The following APC variants were observed in gnomAD, a reference collection of about 807,000 sequenced individuals.
The protein encoded by APC is APC regulator of Wnt signaling pathway, also known as adenomatous polyposis coli protein.
In APC, 72 loss-of-function variants were observed where a neutral mutation model predicts 247.0. The ratio of observed to expected loss-of-function variants is 0.29; its 90% CI spans 0.24 to 0.35. APC has a LOEUF of 0.35. APC is among the 10% of genes least tolerant of loss of function. APC has a pLI of 1.00. For missense variants in APC, 3,400 were observed against 3,360.7 expected, an observed-to-expected ratio of 1.01 and a Z score of -0.29; for synonymous variants, 1,254 against 1,162.5, an observed-to-expected ratio of 1.08 and a Z score of -1.60.
intron 10 of APC, among the ~76,000 whole-genome samples, chr5:112,820,497 T>A (rs1005547236): frequency 2.0e-5 from 3 of 152,100 alleles, no homozygotes; most frequent in Admixed American, 6.6e-5. Context: ...TTAAAAAATT[T>A]AAAAAGCATA....
intron 6 of APC, among the ~76,000 whole-genome samples, chr5:112,787,937 T>A (rs1393501169): frequency 6.6e-6 from 1 of 152,162 alleles, no homozygotes; most frequent in Non-Finnish European, 1.5e-5. Context: ...TATATGTGTG[T>A]ATGTGTATTA....
chr5:112,741,962 C>T (rs1011473282), intron 1 of APC, among the ~76,000 whole-genome samples: 1 of 152,134 alleles, frequency 6.6e-6, no homozygotes, highest in African/African-American at 2.4e-5. Context: ...AATTTCTTTC[C>T]TTTTTAGGTC....
intron 15 of APC, among the ~76,000 whole-genome samples, chr5:112,837,083 C>T (rs187102846): frequency 6.6e-6 from 1 of 152,294 alleles, no homozygotes; most frequent in East Asian, 1.9e-4. Flanking sequence ...GTGTTCTAAT[C>T]TAAGAGCTTA....
rs1455632921 is a variant in APC at position 112,816,916 on chromosome 5, T to A, written c.933+1323T>A. ...TGGAGTCTTGCTCTGTTGCCCAGGC[T>A]GTAGTGCAGTGGCACGATCTTGGCT... On this transcript the variant is annotated intron_variant, in intron 9 of 15. Transcript: ENST00000257430. Among the ~76,000 whole-genome samples the A allele has an allele frequency of 3.9e-5, 6 of 152,106 alleles. 1 individual carries two copies. Among genetic ancestry groups the A allele is most frequent in the African/African-American group, 1.4e-4 (6 of 41,438 alleles).
intron 1 of APC, among the ~76,000 whole-genome samples, chr5:112,730,619 C>A (rs539827216): frequency 6.6e-6 from 1 of 152,272 alleles, no homozygotes; most frequent in South Asian, 2.1e-4. Context: ...GTTTAGTGAA[C>A]CTAATTGCAT....
intron 8 of APC, among the ~76,000 whole-genome samples, chr5:112,807,047 C>T (rs1344743566): frequency 6.6e-6 from 1 of 151,588 alleles, no homozygotes; most frequent in Non-Finnish European, 1.5e-5. Flanking sequence ...GCAGGAAAAT[C>T]TCTTGAACCT....
upstream of APC, among the ~76,000 whole-genome samples, chr5:112,737,183 T>C: frequency 6.6e-6 from 1 of 152,216 alleles, no homozygotes; most frequent in East Asian, 1.9e-4. Flanking sequence ...GGGACTGCTC[T>C]AAATACTTCA....
At chr5:112,801,531 G>C (rs1056352818) in intron 8 of APC, 148 bp downstream of exon 8, 3 of 582,796 alleles carry the variant, frequency 5.1e-6, no homozygotes, top group Non-Finnish European at 9.2e-6. Flanking sequence ...CCAATGTGCT[G>C]TCATTTCTCT....
At chr5:112,783,958 A>ATT (rs573737647) in intron 6 of APC, among the ~76,000 whole-genome samples, 2 of 149,094 alleles carry the variant, frequency 1.3e-5, no homozygotes, top group African/African-American at 4.9e-5. Context: ...GTAAGGTACT[A>ATT]TTTTTTTTTT....
At chr5:112,756,387 C>CTATG (rs1181422565) in intron 2 of APC, among the ~76,000 whole-genome samples, 18 of 152,302 alleles carry the variant, frequency 1.2e-4, no homozygotes, top group African/African-American at 4.1e-4. Context: ...TTTCCACAAA[C>CTATG]TATGGGTGAC....
At chr5:112,764,926 A>C (rs1756102183) in intron 2 of APC, among the ~76,000 whole-genome samples, 1 of 152,210 alleles carries the variant, frequency 6.6e-6, no homozygotes, top group African/African-American at 2.4e-5. Context: ...ATCACTGAGC[A>C]AATTTGTTTT....
At position 112,839,645 on chromosome 5, in the gene APC, G is replaced by A. The variant is rs1765589908; in HGVS notation, c.4051G>A (p.Ala1351Thr). 1 of 1,614,156 alleles carries A rather than the reference G, an allele frequency of 6.2e-7. No individual in the cohort carries two copies. The part of the protein sequence containing the change: ...SLSSESARHK[A>T]VEFSSGAKSP... ...ATCTTCAGAATCAGCCAGGCACAAA[G>A]CTGTTGAATTTTCTTCAGGAGCGAA... Residue 1351 changes from alanine (A) to threonine (T), a missense_variant, in exon 16 of 16, where the codon GCT becomes ACT. Coordinates refer to ENST00000257430, the MANE Select transcript of APC (RefSeq NM_000038.6). The surrounding 1 kb of genome is among the most constrained non-coding windows in gnomAD (Gnocchi z 5.0).
rs1766218262 is a variant in APC at position 112,842,049 on chromosome 5, C to A, written c.6455C>A (p.Pro2152His). The change falls in exon 16 of 16, where the codon CCT (proline) becomes CAT (histidine). Residue 2152 changes from proline to histidine, a missense_variant. Around this residue, in one of 9 missense-constraint regions of APC, gnomAD observed 1,788 missense variants for 1,649.5 expected, o/e 1.08. Transcript: ENST00000257430. ...CTGGGATCACCATTTCATCTTACAC[C>A]TGATCAAGAAGAAAAACCCTTTACA... The part of the protein sequence containing the change: ...ISLGSPFHLT[P>H]DQEEKPFTSN... The A allele has an allele frequency of 6.2e-7, 1 of 1,612,980 alleles. No individual in the cohort carries two copies. The highest frequency in any genetic ancestry group is 8.5e-7 in the Non-Finnish European group (1 of 1,179,072).
intron 8 of APC, among the ~76,000 whole-genome samples, chr5:112,808,247 C>G (rs559609848): frequency 2.4e-4 from 37 of 152,290 alleles, no homozygotes; most frequent in Admixed American, 1.8e-3. Flanking sequence ...CATCATTTAT[C>G]CAGTCAGTAT....
chr5:112,801,682 T>C (rs1195546473), intron 8 of APC, among the ~76,000 whole-genome samples: 2 of 152,144 alleles, frequency 1.3e-5, no homozygotes, highest in African/African-American at 4.8e-5. Flanking sequence ...ATGTATATGA[T>C]TTGACCTAGT....
chr5:112,759,657 A>G (rs1364961265), intron 2 of APC, among the ~76,000 whole-genome samples: 4 of 152,114 alleles, frequency 2.6e-5, no homozygotes, highest in Non-Finnish European at 5.9e-5. Flanking sequence ...GCCCAGCCTA[A>G]TGAATAATTT....
At chr5:112,751,699 A>G (rs1336821571) in intron 1 of APC, among the ~76,000 whole-genome samples, 3 of 151,792 alleles carry the variant, frequency 2.0e-5, no homozygotes, top group African/African-American at 7.3e-5. Flanking sequence ...TATTTCATCG[A>G]TGCTTTTGTA....
chr5:112,720,487 GTC>G (rs1335028984), intron 1 of APC, among the ~76,000 whole-genome samples: 1 of 152,178 alleles, frequency 6.6e-6, no homozygotes, highest in Non-Finnish European at 1.5e-5. Context: ...ATATCATTAA[GTC>G]TCTCATGAAC....
chr5:112,750,173 G>T (rs368488801), intron 1 of APC, among the ~76,000 whole-genome samples: 337 of 151,920 alleles, frequency 2.2e-3, no homozygotes, highest in African/African-American at 4.0e-3. Flanking sequence ...ATGTTGGCCA[G>T]ACTGGTCTTG....
Sources: allele counts gnomAD v4.1 joint callset (sites outside exome capture counted in the v4.1 genomes callset), GRCh38; gene constraint gnomAD v4.1.1; regional missense constraint gnomAD v4.1.1; non-coding constraint Gnocchi (gnomAD v3.1); transcripts MANE v1.5; gene names NCBI Gene and HGNC (gene_info 2026-07-23, HGNC 2026-07-21).